The following SAXO1 variants were observed in gnomAD, a reference collection of about 807,000 sequenced individuals.
The protein encoded by SAXO1 is 4930500O09Rik.
Under a neutral mutation model 17.5 loss-of-function variants are expected in SAXO1, and 21 were observed. That is an observed-to-expected ratio of 1.20 (90% confidence interval 0.85 to 1.72). The LOEUF (loss-of-function observed/expected upper bound fraction) is 1.72, where lower values mean the gene tolerates loss of function less well. Among genes scored for constraint, SAXO1 ranks in the 40% most tolerant of loss-of-function variants. The pLI is 0.00. For synonymous variants in SAXO1, 274 were observed against 216.5 expected (o/e 1.27, Z -2.33); for missense variants, 843 against 596.0 (o/e 1.41, Z -4.32).
intron 1 of SAXO1, among the ~76,000 whole-genome samples, chr9:19,042,924 C>G (rs1411921287): frequency 6.6e-6 from 1 of 152,188 alleles, no homozygotes; most frequent in African/African-American, 2.4e-5. Flanking sequence ...ATAATACCCG[C>G]ACTTTGTGAG....
intron 1 of SAXO1, among the ~76,000 whole-genome samples, chr9:19,045,352 G>C (rs1213959981): frequency 7.7e-6 from 1 of 129,238 alleles, no homozygotes; most frequent in African/African-American, 2.8e-5. Context: ...AAAAAAAGAT[G>C]CAATTAGACT....
At chr9:18,942,046 T>C (rs73648807) in intron 2 of SAXO1, among the ~76,000 whole-genome samples, 1 of 123,880 alleles carries the variant, frequency 8.1e-6, no homozygotes, top group Non-Finnish European at 1.6e-5. Flanking sequence ...ACACCTGTAT[T>C]CATCTTTGAC....
chr9:19,013,209 T>C (rs1385393683), intron 1 of SAXO1, among the ~76,000 whole-genome samples: 2 of 151,666 alleles, frequency 1.3e-5, no homozygotes, highest in Non-Finnish European at 2.9e-5. Context: ...AAAGACTAAA[T>C]AACAGCACAA....
At chr9:18,995,105 A>C (rs924022124) in intron 1 of SAXO1, among the ~76,000 whole-genome samples, 13 of 152,272 alleles carry the variant, frequency 8.5e-5, no homozygotes, top group African/African-American at 2.6e-4. Context: ...ATAAGCACCA[A>C]AAATAAATTA....
intron 3 of SAXO1, among the ~76,000 whole-genome samples, chr9:18,936,902 G>A (rs1831319899): frequency 6.6e-6 from 1 of 152,188 alleles, no homozygotes; most frequent in South Asian, 2.1e-4. Context: ...CAGTAAAGGT[G>A]CTGGCCATAG....
chr9:19,009,880 G>A (rs998717936), intron 1 of SAXO1, among the ~76,000 whole-genome samples: 2 of 149,624 alleles, frequency 1.3e-5, no homozygotes, highest in African/African-American at 5.0e-5. Context: ...AGGCTAAAGT[G>A]CAGTGGCACC....
intron 1 of SAXO1, among the ~76,000 whole-genome samples, chr9:19,001,951 C>T (rs943015384): frequency 1.3e-5 from 2 of 152,110 alleles, no homozygotes; most frequent in African/African-American, 2.4e-5. Flanking sequence ...ATCAATGAAT[C>T]CAGGAGCTGG....
intron 1 of SAXO1, among the ~76,000 whole-genome samples, chr9:19,014,926 A>T (rs1041053672): frequency 2.0e-5 from 3 of 152,214 alleles, no homozygotes; most frequent in Non-Finnish European, 4.4e-5. Context: ...TCGTGAAAAC[A>T]TAAAAACCTC....
intron 1 of SAXO1, among the ~76,000 whole-genome samples, chr9:18,981,788 G>A (rs1040951636): frequency 3.9e-5 from 6 of 152,092 alleles, no homozygotes; most frequent in Non-Finnish European, 7.4e-5. Flanking sequence ...CAAAACAAAA[G>A]AAAAACTAAA....
intron 1 of SAXO1, among the ~76,000 whole-genome samples, chr9:19,022,437 C>T (rs565142186): frequency 6.6e-6 from 1 of 152,314 alleles, no homozygotes; most frequent in African/African-American, 2.4e-5. Context: ...TACTCACTGC[C>T]CTCCCATGTG....
At chr9:18,931,073 A>G (rs901763411) in intron 3 of SAXO1, among the ~76,000 whole-genome samples, 2 of 152,236 alleles carry the variant, frequency 1.3e-5, no homozygotes, top group Non-Finnish European at 2.9e-5. Flanking sequence ...GAAGTACACA[A>G]TTTAGTGACT....
chr9:18,993,757 G>T (rs573056124), intron 1 of SAXO1, among the ~76,000 whole-genome samples: 1 of 152,224 alleles, frequency 6.6e-6, no homozygotes, highest in African/African-American at 2.4e-5. Flanking sequence ...AGGCTGGGGG[G>T]TTCTCATGTA....
intron 1 of SAXO1, among the ~76,000 whole-genome samples, chr9:19,021,817 C>A (rs372633941): frequency 1.4e-5 from 2 of 142,948 alleles, no homozygotes; most frequent in Non-Finnish European, 3.2e-5. Flanking sequence ...GCATTGTAAA[C>A]GCACCAATCA....
intron 1 of SAXO1, among the ~76,000 whole-genome samples, chr9:19,009,594 G>A (rs1338980753): frequency 1.3e-5 from 2 of 152,110 alleles, no homozygotes; most frequent in East Asian, 3.9e-4. Flanking sequence ...AATCTGTGCA[G>A]AGAGGAGTAC....
chr9:18,994,660 C>A (rs1833936476), intron 1 of SAXO1, among the ~76,000 whole-genome samples: 1 of 152,228 alleles, frequency 6.6e-6, no homozygotes, highest in East Asian at 1.9e-4. Context: ...TCAGCAGGAG[C>A]ACTCTGCTCG....
chr9:19,001,291 C>A (rs144784819), intron 1 of SAXO1, among the ~76,000 whole-genome samples: 13,825 of 152,216 alleles, frequency 0.091, 739 homozygotes, highest in Admixed American at 0.12. Flanking sequence ...GAAACTCACT[C>A]AAAACTGCAC....
chr9:18,942,449 C>A (rs1380316225), intron 2 of SAXO1, among the ~76,000 whole-genome samples: 1 of 152,134 alleles, frequency 6.6e-6, no homozygotes, highest in South Asian at 2.1e-4. Flanking sequence ...CCCTTCACTG[C>A]GGAGGTATCT....
chr9:19,028,729 G>A (rs1047661767), intron 1 of SAXO1, among the ~76,000 whole-genome samples: 2 of 152,232 alleles, frequency 1.3e-5, no homozygotes, highest in Middle Eastern at 6.8e-3. Context: ...GCAAAGCCTT[G>A]AGCTTGACGC....
chr9:19,011,271 T>A (rs1834723038), intron 1 of SAXO1, among the ~76,000 whole-genome samples: 3 of 152,182 alleles, frequency 2.0e-5, no homozygotes, highest in African/African-American at 7.2e-5. Context: ...CCTATCAAAC[T>A]ACCTGCTGAG....
Sources: gnomAD v4.1 joint callset for allele counts (sites outside exome capture counted in the v4.1 genomes callset) on GRCh38, gnomAD v4.1.1 for gene constraint, MANE v1.5 for transcripts, NCBI Gene and HGNC (gene_info 2026-07-23, HGNC 2026-07-21) for gene names.